The following POLK variants were observed in gnomAD, a reference collection of about 807,000 sequenced individuals.
POLK encodes DNA polymerase kappa, also known as polymerase (DNA directed) kappa.
A neutral mutation model predicts 94.0 loss-of-function variants in POLK; 76 were observed. The ratio of observed to expected loss-of-function variants is 0.81; its 90% CI spans 0.67 to 0.98. The LOEUF (loss-of-function observed/expected upper bound fraction) is 0.98, where lower values mean the gene tolerates loss of function less well. Among genes scored for constraint, POLK ranks in the 50% least tolerant of loss-of-function variants. POLK has a pLI of 0.00. For synonymous variants in POLK, 349 were observed against 325.4 expected (o/e 1.07, Z -0.78); for missense variants, 954 against 1,010.1 (o/e 0.94, Z 0.75).
intron 11 of POLK, among the ~76,000 whole-genome samples, chr5:75,590,663 G>C (rs901351453): frequency 3.3e-5 from 5 of 152,160 alleles, no homozygotes; most frequent in Admixed American, 6.5e-5. Flanking sequence ...TATGAGAATA[G>C]AGTGGTTCAG....
At chr5:75,597,680 T>C (rs1409234462) in intron 13 of POLK, 67 bp from the exon 14 acceptor site, 11 of 910,026 alleles carry the variant, frequency 1.2e-5, no homozygotes, top group Non-Finnish European at 1.8e-5. Context: ...TTTTTAAATT[T>C]GTATACAACT....
At chr5:75,520,136 G>T (rs1768499722) in intron 1 of POLK, among the ~76,000 whole-genome samples, 1 of 151,944 alleles carries the variant, frequency 6.6e-6, no homozygotes, top group Non-Finnish European at 1.5e-5. Context: ...AGATAGCAAA[G>T]AAAAAAATAG....
In POLK at chr5:75,597,928, T is replaced by C; in HGVS notation, c.2529-6T>C. 6.9e-7 allele frequency: 1 copy of C among 1,438,882 alleles called. No homozygotes were observed. The highest frequency in any genetic ancestry group is 9.4e-7 in the Non-Finnish European group (1 of 1,069,386). The allele number at this position is 1,438,882 out of a possible 1,614,324, so 89.1% of individuals were successfully genotyped here. A position where few individuals can be genotyped will look rare whatever the true frequency, so the allele number is the denominator to read the frequency against. On this transcript the variant is annotated splice_region_variant and splice_polypyrimidine_tract_variant and intron_variant, in intron 14 of 14. Transcript: ENST00000241436. ...CATTTTAATTGTGTGTTCCTTTTCA[T>C]TCTAGGCCAGGATTGATGACAAAGT... is the stretch of plus-strand genomic sequence containing the variant.
intron 2 of POLK, among the ~76,000 whole-genome samples, chr5:75,548,638 A>G (rs1052525570): frequency 6.6e-6 from 1 of 151,874 alleles, no homozygotes. Flanking sequence ...CTTTAAGAGA[A>G]TATCCTTGTT....
At chr5:75,548,569 A>G (rs1770171955) in intron 2 of POLK, among the ~76,000 whole-genome samples, 1 of 150,662 alleles carries the variant, frequency 6.6e-6, no homozygotes, top group African/African-American at 2.4e-5. Context: ...GTTGTATTAT[A>G]TGTTATGTAT....
At chr5:75,603,427 CAAA>C (rs11350660), downstream of POLK, among the ~76,000 whole-genome samples, 18 of 133,892 alleles carry the variant, frequency 1.3e-4, no homozygotes, top group Middle Eastern at 4.0e-3. Flanking sequence ...ACTCTCATGT[CAAA>C]AAAAAAAAAA....
chr5:75,560,619 T>C (rs1770921049), intron 3 of POLK, among the ~76,000 whole-genome samples: 1 of 152,168 alleles, frequency 6.6e-6, no homozygotes, highest in African/African-American at 2.4e-5. Flanking sequence ...GCTGCACCTA[T>C]CAACCCATCA....
intron 3 of POLK, among the ~76,000 whole-genome samples, chr5:75,561,275 C>CT (rs1244766431): frequency 6.6e-6 from 1 of 151,846 alleles, no homozygotes; most frequent in African/African-American, 2.4e-5. Context: ...TGATGATGTG[C>CT]TTTTTTGTTT....
At chr5:75,542,705 A>T (rs1052760429) in intron 1 of POLK, among the ~76,000 whole-genome samples, 42 of 145,078 alleles carry the variant, frequency 2.9e-4, no homozygotes, top group South Asian at 6.5e-4. Flanking sequence ...ATATATATGT[A>T]TTTTTTTTTT....
At chr5:75,567,649 G>A (rs1157147210) in intron 3 of POLK, among the ~76,000 whole-genome samples, 1 of 152,176 alleles carries the variant, frequency 6.6e-6, no homozygotes, top group Non-Finnish European at 1.5e-5. Flanking sequence ...TTCTCCTGAA[G>A]GAACTGACAA....
chr5:75,576,708 T>C, intron 5 of POLK, 72 bp from the exon 6 acceptor site: 1 of 675,452 alleles, frequency 1.5e-6, no homozygotes. Context: ...TTAACATTTC[T>C]TATCAGCTAC....
chr5:75,546,991 T>A lies in POLK; in HGVS notation c.-13-19T>A. 2 of 1,382,734 alleles carry A rather than the reference T, an allele frequency of 1.4e-6. No homozygotes were observed. Among genetic ancestry groups the A allele is most frequent in the Non-Finnish European group, 2.0e-6 (2 of 1,021,034 alleles). 85.7% of individuals were successfully genotyped at this position (1,382,734 alleles called of 1,614,324 possible). A position where few individuals can be genotyped will look rare whatever the true frequency, so the allele number is the denominator to read the frequency against. On this transcript the variant is annotated intron_variant, in intron 1 of 14. Transcript: ENST00000241436. ...CACAGATGGTTTTAAAAGCAGTGTTTATCTTTATGCTTTTTCAGATAAGTT... is the reference window on the plus strand; with the variant it reads ...CACAGATGGTTTTAAAAGCAGTGTTAATCTTTATGCTTTTTCAGATAAGTT...
At position 75,521,981 on chromosome 5, in the gene POLK, G is replaced by A. The variant is rs145006551; in HGVS notation, c.-14+10067G>A. Among the ~76,000 whole-genome samples, 6 of 152,306 alleles carry A rather than the reference G, an allele frequency of 3.9e-5. No individual in the cohort carries two copies. In the East Asian group the frequency reaches 9.6e-4, roughly 24 times the overall value. On this transcript the variant is annotated intron_variant, in intron 1 of 14. Transcript: ENST00000241436. The stretch of plus-strand genomic sequence containing the variant: ...GTACCTCCTACCTAGTGGTCCTGCC[G>A]AACAAGTACTCTGATTTGGTGTCTC...
chr5:75,581,758 C>T, intron 7 of POLK: 1 of 226,930 alleles, frequency 4.4e-6, no homozygotes, highest in South Asian at 6.2e-5. Flanking sequence ...CAGCTTACTG[C>T]AACCTCTGCC....
At chr5:75,551,842 T>C (rs1325497753) in intron 2 of POLK, among the ~76,000 whole-genome samples, 1 of 152,182 alleles carries the variant, frequency 6.6e-6, no homozygotes, top group African/African-American at 2.4e-5. Context: ...AGGTACCATA[T>C]GTCAAAGAAA....
At chr5:75,598,074 G>T (rs1030919028) in exon 15 of POLK, 2 of 696,160 alleles carry the variant, frequency 2.9e-6, no homozygotes, top group Non-Finnish European at 4.6e-6. Flanking sequence ...TATAATCAAT[G>T]AATTTGTTCT....
exon 13 of POLK, chr5:75,596,295 G>A (rs572579271): frequency 6.2e-7 from 1 of 1,613,712 alleles, no homozygotes; most frequent in African/African-American, 1.3e-5. Context: ...GCTTTTTACA[G>A]GCTGGAAACC....
At chr5:75,569,724 C>A (rs1771485578) in intron 4 of POLK, among the ~76,000 whole-genome samples, 1 of 152,146 alleles carries the variant, frequency 6.6e-6, no homozygotes, top group Non-Finnish European at 1.5e-5. Flanking sequence ...CTGGGCCTCA[C>A]AACAGGAGGT....
intron 1 of POLK, among the ~76,000 whole-genome samples, chr5:75,515,127 G>T (rs1768262894): frequency 6.6e-6 from 1 of 152,132 alleles, no homozygotes; most frequent in South Asian, 2.1e-4. Flanking sequence ...GATCTCTGGA[G>T]CCTCTTGCAA....
Sources: allele counts gnomAD v4.1 joint callset (sites outside exome capture counted in the v4.1 genomes callset), GRCh38; gene constraint gnomAD v4.1.1; transcripts MANE v1.5; gene names NCBI Gene and HGNC (gene_info 2026-07-23, HGNC 2026-07-21).